Variants in DGKH observed in about 807,000 individuals in gnomAD.
The protein encoded by DGKH is diacylglycerol kinase eta.
In DGKH, 90 loss-of-function variants were observed where a neutral mutation model predicts 159.3. That is an observed-to-expected ratio of 0.57 (90% CI 0.48 to 0.67). The LOEUF (loss-of-function observed/expected upper bound fraction) is 0.67, where lower values mean the gene tolerates loss of function less well. Ranked by LOEUF, DGKH falls within the 30% of genes least tolerant of loss-of-function variation. The pLI, the probability that DGKH is intolerant of heterozygous loss-of-function variation, is 0.00. For synonymous variants in DGKH, 536 were observed against 553.8 expected, an observed-to-expected ratio of 0.97 and a Z score of 0.45; for missense variants, 1,181 against 1,506.1, an observed-to-expected ratio of 0.78 and a Z score of 3.57.
chr13:42,210,217 CTGGAG>C (rs1957615908), intron 23 of DGKH, among the ~76,000 whole-genome samples: 1 of 151,876 alleles, frequency 6.6e-6, no homozygotes, highest in Non-Finnish European at 1.5e-5. Context: ...ATTGCACATG[CTGGAG>C]TACAGTGGTG....
intron 24 of DGKH, 79 bp from the exon 25 acceptor site, chr13:42,214,428 C>G (rs1286423195): frequency 1.5e-6 from 2 of 1,370,566 alleles, no homozygotes; most frequent in Admixed American, 4.1e-5. Context: ...CTTGTTTTAT[C>G]CTAACATTTC....
At chr13:42,077,194 G>C (rs1209891545) in intron 1 of DGKH, among the ~76,000 whole-genome samples, 1 of 152,070 alleles carries the variant, frequency 6.6e-6, no homozygotes, top group Non-Finnish European at 1.5e-5. Flanking sequence ...ACTGGATAGT[G>C]TATAAAAAGA....
chr13:42,127,582 C>G lies in DGKH; in HGVS notation c.303+9C>G, dbSNP rs200957514. 6.9e-4 allele frequency: 1,104 copies of G among 1,609,658 alleles called. 16 individuals carry two copies. Among genetic ancestry groups the G allele is most frequent in the Non-Finnish European group, 7.8e-5 (92 of 1,176,960 alleles). On this transcript the variant is annotated intron_variant, in intron 2 of 29. Coordinates refer to ENST00000337343, the MANE Select transcript of DGKH (RefSeq NM_178009.5). ...ATGCAAAGGACTCAAAGGTAACTCA[C>G]GAGAATACTAGTTTCAAGCAATTGA...
At chr13:42,149,768 A>T (rs1453126616) in intron 3 of DGKH, among the ~76,000 whole-genome samples, 1 of 152,236 alleles carries the variant, frequency 6.6e-6, no homozygotes, top group African/African-American at 2.4e-5. Flanking sequence ...TTAATATGTA[A>T]GTGGAGAAAA....
At chr13:42,159,896 T>C in intron 6 of DGKH, 115 bp from the exon 7 acceptor site, 15 of 1,451,692 alleles carry the variant, frequency 1.0e-5, no homozygotes, top group Non-Finnish European at 1.4e-5. Flanking sequence ...GAGTGAATGC[T>C]ATGCATGAAA....
rs1456125729 is a variant in DGKH at position 42,069,415 on chromosome 13, G to T, written c.192+20450G>T. 5.2e-6 allele frequency: 8 copies of T among 1,539,152 alleles called. No individual in the cohort carries two copies. The South Asian group carries it at 6.1e-5, about 12-fold the overall frequency. On this transcript the variant is annotated intron_variant, in intron 1 of 29. Coordinates refer to ENST00000337343, the MANE Select transcript of DGKH (RefSeq NM_178009.5). The stretch of plus-strand genomic sequence containing the variant: ...TTTGATATCAAACTTTTCAATTCTA[G>T]TTGGGACACTGAGCTATTCAAGTCG...
At chr13:42,144,749 A>C (rs1007116068) in intron 3 of DGKH, among the ~76,000 whole-genome samples, 1 of 152,094 alleles carries the variant, frequency 6.6e-6, no homozygotes, top group Non-Finnish European at 1.5e-5. Flanking sequence ...CTTATTGACA[A>C]CTCCAGAATT....
intron 3 of DGKH, 51 bp from the exon 4 acceptor site, chr13:42,155,240 A>C (rs762597767): frequency 7.0e-7 from 1 of 1,418,970 alleles, no homozygotes; most frequent in Non-Finnish European, 9.6e-7. Context: ...GTTTTGCAAC[A>C]ATCTTTCTCT....
chr13:42,053,480 CTA>C (rs1252852683), intron 1 of DGKH, among the ~76,000 whole-genome samples: 2 of 143,742 alleles, frequency 1.4e-5, no homozygotes, highest in African/African-American at 2.5e-5. Context: ...ATATGTATAA[CTA>C]TATAACTATA....
At chr13:42,138,031 T>C (rs1027331292) in intron 3 of DGKH, 1 of 958,264 alleles carries the variant, frequency 1.0e-6, no homozygotes, top group African/African-American at 1.8e-5. Context: ...TGTGAGGTAA[T>C]AGCTCTTCCC....
In DGKH at chr13:42,193,479, A is replaced by G. The variant is rs78545526; in HGVS notation, c.2036-1406A>G. 5.5e-3 allele frequency among the ~76,000 whole-genome samples: 836 copies of G among 152,330 alleles called. 17 individuals carry two copies. Among genetic ancestry groups the G allele is most frequent in the East Asian group, 0.054 (281 of 5,186 alleles). On this transcript the variant is annotated intron_variant, in intron 16 of 29. Coordinates refer to ENST00000337343, the MANE Select transcript of DGKH (RefSeq NM_178009.5). ...TGGAAGTAGAAGTATATGAAATACT[A>G]CTTTTTGAGGCACATTTATTGTATC...
chr13:42,180,626 T>C (rs76306838), intron 13 of DGKH, among the ~76,000 whole-genome samples: 2,206 of 152,292 alleles, frequency 0.014, 53 homozygotes, highest in African/African-American at 0.048. Flanking sequence ...CTCCCAGCCC[T>C]AGCTTTGGGT....
At chr13:42,200,614 A>C (rs1435860100) in intron 20 of DGKH, among the ~76,000 whole-genome samples, 1 of 152,208 alleles carries the variant, frequency 6.6e-6, no homozygotes, top group Non-Finnish European at 1.5e-5. Flanking sequence ...TATCATACAT[A>C]TAGAAAATTA....
At chr13:42,042,181 G>C (rs1880554134) in intron 1 of DGKH, among the ~76,000 whole-genome samples, 1 of 152,184 alleles carries the variant, frequency 6.6e-6, no homozygotes, top group South Asian at 2.1e-4. Context: ...GCTTAAGCTA[G>C]TCTCCAAATT....
At chr13:42,190,025 T>C (rs1254738518) in intron 15 of DGKH, among the ~76,000 whole-genome samples, 1 of 152,210 alleles carries the variant, frequency 6.6e-6, no homozygotes, top group Non-Finnish European at 1.5e-5. Flanking sequence ...ATTAAGAGCT[T>C]ATAAAAGCTC....
At chr13:42,204,097 C>T (rs1000343579) in intron 20 of DGKH, among the ~76,000 whole-genome samples, 1 of 152,108 alleles carries the variant, frequency 6.6e-6, no homozygotes, top group Admixed American at 6.5e-5. Context: ...AAATCTTCAT[C>T]GTTTTCCATA....
rs1954721144 is a variant in DGKH at position 42,105,035 on chromosome 13, GTAT to G, written c.193-22427_193-22425del. ...TGTACATACATATGTATGTATGTAT[GTAT>G]GTATGTATGTGTAGTTTTAAACCTT... On this transcript the variant is annotated intron_variant, in intron 1 of 29. Transcript: ENST00000337343. 5.3e-5 allele frequency among the ~76,000 whole-genome samples: 8 copies of G among 152,060 alleles called. No individual in the cohort carries two copies. The South Asian group carries it at 1.5e-3, about 28-fold the overall frequency.
chr13:42,050,988 CTAAATTG>C (rs1306650962), intron 1 of DGKH, among the ~76,000 whole-genome samples: 3 of 152,190 alleles, frequency 2.0e-5, no homozygotes. Context: ...AGAGATGGCT[CTAAATTG>C]AATTGAATCA....
Position 42,051,204 on chromosome 13 carries a change from C to A in DGKH, c.192+2239C>A, listed in dbSNP as rs527626680. ...GAGAGATCATTTTTGACTATGAAAT[C>A]AAATATTGCTTGAATTTCAAAAGTG... is the stretch of plus-strand genomic sequence containing the variant. On this transcript the variant is annotated intron_variant, in intron 1 of 29. Coordinates refer to ENST00000337343, the MANE Select transcript of DGKH (RefSeq NM_178009.5). 7.2e-5 allele frequency among the ~76,000 whole-genome samples: 11 copies of A among 152,306 alleles called. No homozygotes were observed. The South Asian group carries it at 2.3e-3, about 32-fold the overall frequency.
Sources: gnomAD v4.1 joint callset for allele counts (sites outside exome capture counted in the v4.1 genomes callset) on GRCh38, gnomAD v4.1.1 for gene constraint, MANE v1.5 for transcripts, NCBI Gene and HGNC (gene_info 2026-07-23, HGNC 2026-07-21) for gene names.